KIAA0319L: variants seen among roughly 807,000 people sequenced by gnomAD.
KIAA0319L encodes the protein KIAA0319 like.
KIAA0319L carries 55 observed loss-of-function variants against 120.1 expected under a neutral mutation model. The ratio of observed to expected loss-of-function variants is 0.46; its 90% CI spans 0.37 to 0.57. The LOEUF (loss-of-function observed/expected upper bound fraction) is 0.57, where lower values mean the gene tolerates loss of function less well. Ranked by LOEUF, KIAA0319L falls within the 20% of genes least tolerant of loss-of-function variation. The pLI is 0.00. For missense variants in KIAA0319L, 1,049 were observed against 1,255.3 expected (o/e 0.84, Z 2.48); for synonymous variants, 398 against 471.9 (o/e 0.84, Z 2.03).
chr1:35,447,272 T>C (rs1043781202), intron 16 of KIAA0319L, among the ~76,000 whole-genome samples: 9 of 150,362 alleles, frequency 6.0e-5, no homozygotes, highest in East Asian at 1.9e-4. Flanking sequence ...TTATGGAAAT[T>C]CCTTGCTTTT....
intron 2 of KIAA0319L, among the ~76,000 whole-genome samples, chr1:35,534,632 G>A (rs1022924315): frequency 6.6e-6 from 1 of 152,234 alleles, no homozygotes; most frequent in Non-Finnish European, 1.5e-5. Context: ...GGCCGAGGCA[G>A]GTGGATCACG....
intron 2 of KIAA0319L, among the ~76,000 whole-genome samples, chr1:35,513,286 ATATTTTT>A (rs1483935328): frequency 2.2e-4 from 23 of 102,752 alleles, no homozygotes; most frequent in African/African-American, 4.4e-4. Context: ...ATATATATAT[ATATTTTT>A]TTTTTTTTTT....
chr1:35,548,404 ATAT>A (rs1299455530), intron 2 of KIAA0319L, among the ~76,000 whole-genome samples: 1 of 152,152 alleles, frequency 6.6e-6, no homozygotes, highest in Admixed American at 6.5e-5. Flanking sequence ...GTATTATAGT[ATAT>A]TTAATACAGT....
intron 13 of KIAA0319L, among the ~76,000 whole-genome samples, chr1:35,451,108 C>A (rs1442178465): frequency 1.3e-5 from 2 of 152,186 alleles, no homozygotes; most frequent in Non-Finnish European, 2.9e-5. Context: ...AGGCCCTCAA[C>A]TTAAGGCCCT....
chr1:35,551,474 C>T (rs940353144), intron 2 of KIAA0319L, among the ~76,000 whole-genome samples: 4 of 152,052 alleles, frequency 2.6e-5, no homozygotes, highest in Non-Finnish European at 5.9e-5. Context: ...CATGCCATCA[C>T]GCCCGGCTAA....
chr1:35,526,757 T>C (rs1156685850), intron 2 of KIAA0319L, among the ~76,000 whole-genome samples: 1 of 151,976 alleles, frequency 6.6e-6, no homozygotes, highest in African/African-American at 2.4e-5. Flanking sequence ...GTTATTGGAG[T>C]CTTTGTGGTT....
At chr1:35,507,972 ATAGTATC>A (rs755151125) in intron 2 of KIAA0319L, among the ~76,000 whole-genome samples, 2 of 152,224 alleles carry the variant, frequency 1.3e-5, no homozygotes, top group Non-Finnish European at 2.9e-5. Flanking sequence ...TTTTTCTGAA[ATAGTATC>A]TCACCTCTGT....
chr1:35,544,050 T>C (rs1646891005), intron 2 of KIAA0319L, among the ~76,000 whole-genome samples: 1 of 151,954 alleles, frequency 6.6e-6, no homozygotes, highest in African/African-American at 2.4e-5. Flanking sequence ...GGCTAGAGCA[T>C]GGAAGTGGGA....
At chr1:35,479,966 A>AAAAAAAAAAAAAC (rs1644090904) in intron 3 of KIAA0319L, among the ~76,000 whole-genome samples, 18 of 130,780 alleles carry the variant, frequency 1.4e-4, no homozygotes, top group African/African-American at 4.3e-4. Context: ...AAAAAAAAAA[A>AAAAAAAAAAAAAC]AAAAAACACA....
rs565219991 is a variant in KIAA0319L at position 35,539,964 on chromosome 1, T to C, written c.142+14386A>G. 2.0e-5 allele frequency among the ~76,000 whole-genome samples: 3 copies of C among 152,358 alleles called. No homozygotes were observed. In the East Asian group the frequency reaches 5.8e-4, roughly 29 times the overall value. On this transcript the variant is annotated intron_variant, in intron 2 of 20. Transcript: ENST00000325722. ...TGGTAATATTAGTCATTCCCCTTAT[T>C]ACCTAAAAGTGAAAGAATTCATAAG...
Position 35,474,823 on chromosome 1 carries a change from G to C in KIAA0319L, c.997C>G (p.Leu333Val). 1.2e-6 allele frequency: 2 copies of C among 1,602,650 alleles called. No individual in the cohort carries two copies. The highest frequency in any genetic ancestry group is 1.7e-6 in the Non-Finnish European group (2 of 1,170,016). Reference sequence around the variant, plus strand: ...TGTTTACCTTTAGGTGGTTCTTGGAGAACATATGCATTTAATTGAACTTCA... The same window carrying C: ...TGTTTACCTTTAGGTGGTTCTTGGACAACATATGCATTTAATTGAACTTCA... ...KNEVQLNAYV[L>V]QEPPKGETYT... The change falls in exon 5 of 21, where the codon CTC (leucine) becomes GTC (valine). Residue 333 changes from leucine to valine, a missense_variant. Leu to Val is a conservative substitution (Grantham distance 32, BLOSUM62 1). Coordinates refer to ENST00000325722, the MANE Select transcript of KIAA0319L (RefSeq NM_024874.5).
rs186402346 is a variant in KIAA0319L, at chr1:35,487,525, C to T, written c.667-8313G>A. 3.3e-3 allele frequency among the ~76,000 whole-genome samples: 508 copies of T among 152,228 alleles called. 2 individuals are homozygous for T. The highest frequency in any genetic ancestry group is 4.7e-3 in the Non-Finnish European group (317 of 68,002). ...CTGCCTTGGCCTCCCAAAGTGCTGG[C>T]GTAAGGCACCACGCCCAGCCTGGCC... On this transcript the variant is annotated intron_variant, in intron 3 of 20. Coordinates refer to ENST00000325722, the MANE Select transcript of KIAA0319L (RefSeq NM_024874.5).
intron 20 of KIAA0319L, among the ~76,000 whole-genome samples, chr1:35,435,953 T>G (rs1254737364): frequency 6.6e-6 from 1 of 152,084 alleles, no homozygotes; most frequent in Non-Finnish European, 1.5e-5. Flanking sequence ...TGGCACCCCC[T>G]CAGCAGTGTT....
intron 16 of KIAA0319L, among the ~76,000 whole-genome samples, chr1:35,446,897 C>A (rs999322672): frequency 5.3e-5 from 8 of 152,146 alleles, no homozygotes; most frequent in Admixed American, 2.0e-4. Context: ...TTGTGGCTAT[C>A]TGACGGAACA....
intron 3 of KIAA0319L, among the ~76,000 whole-genome samples, chr1:35,503,752 G>A (rs915493219): frequency 1.3e-5 from 2 of 151,956 alleles, no homozygotes; most frequent in Non-Finnish European, 2.9e-5. Flanking sequence ...GAATTTTCTC[G>A]TGCCTCTGCC....
At chr1:35,494,384 G>A (rs1043939972) in intron 3 of KIAA0319L, among the ~76,000 whole-genome samples, 2 of 152,094 alleles carry the variant, frequency 1.3e-5, no homozygotes, top group African/African-American at 4.8e-5. Flanking sequence ...GGGAGGCGGA[G>A]GTTAAGGTAA....
At chr1:35,449,846 C>T in intron 15 of KIAA0319L, 21 bp downstream of exon 15, 4 of 1,613,368 alleles carry the variant, frequency 2.5e-6, no homozygotes, top group Non-Finnish European at 3.4e-6. Flanking sequence ...TCTACTCAGC[C>T]TCATCACTAA....
intron 3 of KIAA0319L, among the ~76,000 whole-genome samples, chr1:35,503,669 C>T (rs1024773489): frequency 6.6e-6 from 1 of 152,066 alleles, no homozygotes; most frequent in African/African-American, 2.4e-5. Flanking sequence ...TGAAAAGCCT[C>T]CTATTTTACC....
At chr1:35,549,744 T>C (rs554621715) in intron 2 of KIAA0319L, among the ~76,000 whole-genome samples, 1 of 152,368 alleles carries the variant, frequency 6.6e-6, no homozygotes, top group African/African-American at 2.4e-5. Flanking sequence ...CTCAAAAGCA[T>C]TGGTCTCCTT....
Sources: gnomAD v4.1 joint callset for allele counts (sites outside exome capture counted in the v4.1 genomes callset) on GRCh38, gnomAD v4.1.1 for gene constraint, MANE v1.5 for transcripts, NCBI Gene and HGNC (gene_info 2026-07-23, HGNC 2026-07-21) for gene names.